Variants in NRAP observed in about 807,000 individuals in gnomAD.
NRAP encodes the protein nebulin-related-anchoring protein.
Under a neutral mutation model 225.9 loss-of-function variants are expected in NRAP, and 189 were observed. That is an observed-to-expected ratio of 0.84 (90% CI 0.74 to 0.94). The LOEUF is 0.94. NRAP is among the 40% of genes least tolerant of loss of function. NRAP has a pLI of 0.00. For synonymous variants in NRAP, 769 were observed against 790.7 expected, an observed-to-expected ratio of 0.97 and a Z score of 0.46; for missense variants, 2,176 against 2,168.7, an observed-to-expected ratio of 1.00 and a Z score of -0.07.
intron 3 of NRAP, among the ~76,000 whole-genome samples, chr10:113,659,211 T>C (rs1181756125): frequency 6.6e-6 from 1 of 152,214 alleles, no homozygotes. Context: ...TACCTACAAA[T>C]AATACTACCA....
intron 29 of NRAP, 65 bp from the exon 30 acceptor site, chr10:113,612,496 G>A (rs1847393390): frequency 3.0e-6 from 4 of 1,331,786 alleles, no homozygotes; most frequent in South Asian, 1.2e-5. Context: ...GACCATCAGG[G>A]AGGGCAACTG....
At chr10:113,600,674 A>C (rs1846546380) in intron 35 of NRAP, among the ~76,000 whole-genome samples, 1 of 152,188 alleles carries the variant, frequency 6.6e-6, no homozygotes, top group African/African-American at 2.4e-5. Flanking sequence ...TTAAGAGGCA[A>C]GAGCTAGAAG....
Position 113,608,425 on chromosome 10 carries a change from T to C in NRAP, c.3691A>G (p.Ile1231Val), listed in dbSNP as rs765196067. Residue 1231 changes from isoleucine to valine, a missense_variant, in exon 32 of 42, where the codon ATA (isoleucine) becomes GTA (valine). Transcript: ENST00000359988. ...NLLHAKFSNQ[I>V]TNERLYKAAG... ...TCAGGAGATTTTACCTCATTCGTTA[T>C]CTGGTTGCTGAATTTCGCATGAAGG... The C allele has an allele frequency of 1.9e-6, 3 of 1,608,364 alleles. No homozygotes were observed. Among genetic ancestry groups the C allele is most frequent in the South Asian group, 1.1e-5 (1 of 90,732 alleles).
At chr10:113,590,447 G>A (rs1017278466) in intron 40 of NRAP, 131 bp downstream of exon 40, 1 of 783,270 alleles carries the variant, frequency 1.3e-6, no homozygotes, top group African/African-American at 1.7e-5. Context: ...TGGCACTAAA[G>A]TGTTAGGTGT....
Position 113,595,621 on chromosome 10 carries a change from A to G in NRAP, c.4536+2T>C. ...CGTTCCATGAACCACCAGTTCACTT[A>G]CGTCACTCAGATGCAGCGCATTGAG... On this transcript the variant is annotated splice_donor_variant, in intron 38 of 41. Coordinates refer to ENST00000359988, the MANE Select transcript of NRAP (RefSeq NM_198060.4). LOFTEE classifies it high-confidence loss of function. The G allele has an allele frequency of 1.3e-6, 2 of 1,589,470 alleles. No homozygotes were observed. Among genetic ancestry groups the G allele is most frequent in the Non-Finnish European group, 1.7e-6 (2 of 1,157,490 alleles).
rs968145615 is a variant in NRAP, at chr10:113,590,217, G to C, written c.4956+361C>G. 3.3e-5 allele frequency among the ~76,000 whole-genome samples: 5 copies of C among 152,194 alleles called. No homozygotes were observed. The East Asian group carries it at 9.6e-4, about 29-fold the overall frequency. The stretch of plus-strand genomic sequence containing the variant: ...GCCATCGAGAGCTTGGGCCCTCACA[G>C]CAAACCAAAAGGGGTTGGTATCCCA... On this transcript the variant is annotated intron_variant, in intron 40 of 41. Transcript: ENST00000359988.
chr10:113,624,432 C>T (rs1008807767), intron 22 of NRAP, among the ~76,000 whole-genome samples: 2 of 152,158 alleles, frequency 1.3e-5, no homozygotes, highest in African/African-American at 4.8e-5. Context: ...AATGGGACAC[C>T]TGGAAACAAA....
intron 9 of NRAP, among the ~76,000 whole-genome samples, chr10:113,647,687 G>GGTGGTACTTCCTCCCCTA (rs1849654037): frequency 6.7e-6 from 1 of 149,834 alleles, no homozygotes; most frequent in Non-Finnish European, 1.5e-5. Context: ...TGTCTCCCCC[G>GGTGGTACTTCCTCCCCTA]GTGGTACTGT....
chr10:113,605,919 C>T (rs755980217), intron 33 of NRAP, 50 bp from the exon 34 acceptor site: 94 of 1,298,116 alleles, frequency 7.2e-5, no homozygotes, highest in South Asian at 2.2e-4. Flanking sequence ...CATGAATCAA[C>T]GAGCAAAGGC....
chr10:113,646,030 C>T (rs543877715), intron 10 of NRAP, 89 bp from the exon 11 acceptor site: 1 of 675,418 alleles, frequency 1.5e-6, no homozygotes, highest in African/African-American at 1.8e-5. Flanking sequence ...GGCTTAATGT[C>T]AACATTTACT....
chr10:113,662,900 T>C (rs1174264233), intron 2 of NRAP, 134 bp from the exon 3 acceptor site: 1 of 484,940 alleles, frequency 2.1e-6, no homozygotes, highest in Admixed American at 4.1e-5. Context: ...AAAAATTAAG[T>C]TCGTGATTTT....
chr10:113,589,759 A>T lies in NRAP; in HGVS notation c.4995T>A (p.Val1665=). The change falls in exon 41 of 42, where the codon GTT becomes GTA. Residue 1665 remains valine, a synonymous_variant. Transcript: ENST00000359988. The part of the protein sequence containing the change: ...YKSDLNLTRG[V]GWTPPGSYKV... ...TGTAGGAGCCAGGAGGGGTCCAGCC[A>T]ACACCTCTGGTCAGGTTCAAGTCTG... The T allele has an allele frequency of 2.5e-6, 4 of 1,614,184 alleles. No individual in the cohort carries two copies. The highest frequency in any genetic ancestry group is 2.5e-6 in the Non-Finnish European group (3 of 1,180,014).
At chr10:113,611,237 C>T (rs1261075156) in intron 30 of NRAP, among the ~76,000 whole-genome samples, 1 of 152,064 alleles carries the variant, frequency 6.6e-6, no homozygotes, top group African/African-American at 2.4e-5. Flanking sequence ...CTCCCTCGTT[C>T]CTACAGCTGC....
chr10:113,637,891 C>T (rs1848970360), intron 14 of NRAP, among the ~76,000 whole-genome samples: 1 of 151,204 alleles, frequency 6.6e-6, no homozygotes, highest in African/African-American at 2.4e-5. Context: ...CATTACACTC[C>T]AGCTTGAGCA....
intron 33 of NRAP, 121 bp from the exon 34 acceptor site, chr10:113,605,990 C>A: frequency 1.2e-6 from 1 of 823,752 alleles, no homozygotes; most frequent in Non-Finnish European, 2.1e-6. Flanking sequence ...CAGCAAATCT[C>A]ATTAGTACAC....
intron 35 of NRAP, among the ~76,000 whole-genome samples, chr10:113,601,207 A>G (rs1846578645): frequency 6.6e-6 from 1 of 152,234 alleles, no homozygotes; most frequent in African/African-American, 2.4e-5. Context: ...GAACTGGGCA[A>G]GACATGGGAA....
In NRAP at chr10:113,612,278, G is replaced by C. The variant is rs377640561; in HGVS notation, c.3454C>G (p.Leu1152Val). 2.5e-4 allele frequency: 410 copies of C among 1,614,200 alleles called. 7 individuals are homozygous for C. The South Asian group carries it at 4.3e-3, about 17-fold the overall frequency. Residue 1152 changes from leucine (L) to valine (V), a missense_variant, in exon 30 of 42, where the codon CTG becomes GTG. Transcript: ENST00000359988. Reference sequence around the variant, plus strand: ...GCTTTCTTGGCACAGCTCAGCCTCAGGTCTTCTGCCAAGGAAGTGTACTGG... The same window carrying C: ...GCTTTCTTGGCACAGCTCAGCCTCACGTCTTCTGCCAAGGAAGTGTACTGG... The part of the protein sequence containing the change: ...LPQYTSLAED[L>V]RLSCAKKAHK...
At chr10:113,638,025 G>A (rs1040529435) in intron 14 of NRAP, among the ~76,000 whole-genome samples, 1 of 152,102 alleles carries the variant, frequency 6.6e-6, no homozygotes, top group Non-Finnish European at 1.5e-5. Flanking sequence ...AGAAAATTAG[G>A]AAATATAAAG....
At chr10:113,590,391 C>T (rs1369228608) in intron 40 of NRAP, among the ~76,000 whole-genome samples, 187 bp downstream of exon 40, 1 of 152,150 alleles carries the variant, frequency 6.6e-6, no homozygotes, top group African/African-American at 2.4e-5. Context: ...AGAGCCTGGC[C>T]CACAGGAGAC....
Sources: gnomAD v4.1 joint callset for allele counts (sites outside exome capture counted in the v4.1 genomes callset) on GRCh38, gnomAD v4.1.1 for gene constraint, MANE v1.5 for transcripts, NCBI Gene and HGNC (gene_info 2026-07-23, HGNC 2026-07-21) for gene names.